NTM: variants seen among roughly 807,000 people sequenced by gnomAD.
The protein encoded by NTM is IgLON family member 2.
In NTM, 13 loss-of-function variants were observed where a neutral mutation model predicts 42.1. That is an observed-to-expected ratio of 0.31 (90% CI 0.20 to 0.49). The LOEUF is 0.49. Ranked by LOEUF, NTM falls within the 20% of genes least tolerant of loss-of-function variation. The probability of loss-of-function intolerance (pLI) is 0.99; values close to 1 mark genes in which losing one functional copy is unlikely to be tolerated. For missense variants in NTM, 373 were observed against 452.8 expected (o/e 0.82, Z 1.60); for synonymous variants, 187 against 179.2 (o/e 1.04, Z -0.35).
intron 4 of NTM, among the ~76,000 whole-genome samples, chr11:132,245,977 G>A (rs1396446375): frequency 2.0e-5 from 3 of 152,150 alleles, no homozygotes; most frequent in African/African-American, 7.2e-5. Flanking sequence ...CTCCCCGGGC[G>A]GCCACGTGCC....
intron 1 of NTM, among the ~76,000 whole-genome samples, chr11:131,858,203 T>A (rs545606324): frequency 1.3e-5 from 2 of 152,340 alleles, no homozygotes; most frequent in South Asian, 4.1e-4. Flanking sequence ...CATGCTATAC[T>A]TTTTCATTTC....
intron 1 of NTM, among the ~76,000 whole-genome samples, chr11:131,745,460 G>T (rs1040250621): frequency 1.3e-5 from 2 of 152,176 alleles, no homozygotes; most frequent in Admixed American, 6.5e-5. Context: ...TATCAGAATC[G>T]CTATTTTTGC....
chr11:132,227,936 C>G, intron 4 of NTM, among the ~76,000 whole-genome samples: 1 of 152,174 alleles, frequency 6.6e-6, no homozygotes, highest in East Asian at 1.9e-4. Flanking sequence ...AGTCCCTCCC[C>G]AAGGACCAAG....
intron 2 of NTM, among the ~76,000 whole-genome samples, chr11:132,015,817 G>A (rs1412098943): frequency 6.6e-6 from 1 of 151,728 alleles, no homozygotes. Context: ...AGGTTTTTTG[G>A]TGGCATCTTT....
At chr11:132,166,444 C>T (rs981062822) in intron 3 of NTM, among the ~76,000 whole-genome samples, 2 of 152,094 alleles carry the variant, frequency 1.3e-5, no homozygotes, top group African/African-American at 2.4e-5. Context: ...CTTATGCAGA[C>T]AAAATGTTTG....
rs1369412973 is a variant in NTM, at chr11:131,904,885, CT to C, written c.83-6678del. On this transcript the variant is annotated intron_variant, in intron 1 of 8. Transcript: ENST00000683400. Reference sequence around the variant, plus strand: ...CACGGCTCTTCCTGCTGTGGGTGGTCTAGAGGCTGTGCTACTTCCTCTCTGA... The same window carrying C: ...CACGGCTCTTCCTGCTGTGGGTGGTCAGAGGCTGTGCTACTTCCTCTCTGA... 3.3e-5 allele frequency among the ~76,000 whole-genome samples: 5 copies of C among 152,282 alleles called. No homozygotes were observed. In the East Asian group the frequency reaches 7.7e-4, roughly 24 times the overall value.
intron 1 of NTM, among the ~76,000 whole-genome samples, chr11:131,461,459 G>C (rs1396826268): frequency 6.6e-6 from 1 of 152,178 alleles, no homozygotes; most frequent in Non-Finnish European, 1.5e-5. Context: ...GACATTAAGA[G>C]ATGGGAGAGA....
At chr11:132,282,578 A>G (rs948171333) in intron 4 of NTM, among the ~76,000 whole-genome samples, 1 of 152,218 alleles carries the variant, frequency 6.6e-6, no homozygotes, top group African/African-American at 2.4e-5. Flanking sequence ...TTTTCCAAAA[A>G]ATATCTCATT....
chr11:131,401,816 A>ATATATATATATGTGTG (rs1565465244), intron 1 of NTM, among the ~76,000 whole-genome samples: 1 of 33,262 alleles, frequency 3.0e-5, no homozygotes, highest in African/African-American at 1.6e-4. Flanking sequence ...ATATATATAT[A>ATATATATATATGTGTG]TATATATATA....
At chr11:131,462,775 G>A (rs1178070806) in intron 1 of NTM, among the ~76,000 whole-genome samples, 1 of 151,756 alleles carries the variant, frequency 6.6e-6, no homozygotes, top group African/African-American at 2.4e-5. Context: ...CCTAGAGCGG[G>A]CCCACCTAGG....
intron 3 of NTM, among the ~76,000 whole-genome samples, chr11:132,187,179 C>A (rs1223366272): frequency 6.6e-6 from 1 of 151,112 alleles, no homozygotes; most frequent in African/African-American, 2.4e-5. Flanking sequence ...CTTCTCTTTT[C>A]TTCATTTTCA....
intron 2 of NTM, among the ~76,000 whole-genome samples, chr11:132,034,711 C>T (rs1299421268): frequency 1.3e-5 from 2 of 152,218 alleles, no homozygotes; most frequent in Non-Finnish European, 2.9e-5. Flanking sequence ...TCCTCAGAGT[C>T]TCAGAGAAAT....
intron 1 of NTM, among the ~76,000 whole-genome samples, chr11:131,476,325 G>T (rs1211088299): frequency 1.3e-5 from 2 of 152,202 alleles, no homozygotes; most frequent in African/African-American, 2.4e-5. Flanking sequence ...GAGTGGCAGG[G>T]TTGGGGTCTA....
chr11:132,198,705 G>A (rs905839968), intron 3 of NTM, among the ~76,000 whole-genome samples: 1 of 152,158 alleles, frequency 6.6e-6, no homozygotes, highest in African/African-American at 2.4e-5. Context: ...AGCCCTTACT[G>A]AATATTAATC....
intron 2 of NTM, among the ~76,000 whole-genome samples, chr11:132,104,937 G>GTATATA (rs534897526): frequency 1.5e-4 from 9 of 61,810 alleles, no homozygotes; most frequent in Non-Finnish European, 2.1e-4. Flanking sequence ...ATATACATAT[G>GTATATA]TATATATATA....
At chr11:131,678,002 G>A (rs2071731922) in intron 1 of NTM, among the ~76,000 whole-genome samples, 1 of 152,204 alleles carries the variant, frequency 6.6e-6, no homozygotes, top group Admixed American at 6.5e-5. Flanking sequence ...TATGCTAATA[G>A]GCTCCAGAGT....
intron 2 of NTM, among the ~76,000 whole-genome samples, chr11:131,967,346 TG>T (rs1185253364): frequency 3.9e-5 from 6 of 152,000 alleles, no homozygotes; most frequent in Non-Finnish European, 7.4e-5. Flanking sequence ...TTATGATCAG[TG>T]GGGGGCAACT....
intron 1 of NTM, among the ~76,000 whole-genome samples, chr11:131,500,622 A>C (rs188836172): frequency 6.9e-6 from 1 of 145,298 alleles, no homozygotes; most frequent in Admixed American, 7.1e-5. Context: ...TCTAGGGTAC[A>C]TGGGCACAAC....
chr11:131,457,538 G>A (rs1429914102), intron 1 of NTM, among the ~76,000 whole-genome samples: 3 of 152,204 alleles, frequency 2.0e-5, no homozygotes, highest in Admixed American at 2.0e-4. Flanking sequence ...AAAGGAAGAT[G>A]ATTAAGGGAA....
Sources: gnomAD v4.1 joint callset for allele counts (sites outside exome capture counted in the v4.1 genomes callset) on GRCh38, gnomAD v4.1.1 for gene constraint, MANE v1.5 for transcripts, NCBI Gene and HGNC (gene_info 2026-07-23, HGNC 2026-07-21) for gene names.